The following DPP6 variants were observed in gnomAD, a reference collection of about 807,000 sequenced individuals.
The protein encoded by DPP6 is dipeptidyl peptidase like 6, also known as A-type potassium channel modulatory protein DPP6.
In DPP6, 69 loss-of-function variants were observed where a neutral mutation model predicts 122.6. The observed-to-expected ratio is 0.56, with a 90% CI of 0.46 to 0.69. The LOEUF (loss-of-function observed/expected upper bound fraction) is 0.69. DPP6 is among the 30% of genes least tolerant of loss of function. DPP6 has a pLI of 0.00. For missense variants in DPP6, 928 were observed against 1,116.9 expected (o/e 0.83, Z 2.41); for synonymous variants, 418 against 433.1 (o/e 0.97, Z 0.43).
intron 2 of DPP6, among the ~76,000 whole-genome samples, chr7:154,468,078 A>G (rs891370515): frequency 1.4e-4 from 21 of 152,250 alleles, no homozygotes; most frequent in African/African-American, 4.8e-4. Flanking sequence ...CAGTGCATGA[A>G]AAGATGCTCA....
chr7:154,225,033 G>A (rs936799330), intron 1 of DPP6, among the ~76,000 whole-genome samples: 2 of 152,038 alleles, frequency 1.3e-5, no homozygotes, highest in African/African-American at 4.8e-5. Flanking sequence ...TTTCAGCTAC[G>A]CAGGAGGCTG....
intron 1 of DPP6, chr7:154,305,336 A>ACG: frequency 5.5e-6 from 2 of 362,172 alleles, no homozygotes; most frequent in South Asian, 6.7e-5. Context: ...CGTCTTGTCT[A>ACG]CCCACCCTCC....
At chr7:154,028,652 T>A (rs1010293824) in intron 1 of DPP6, among the ~76,000 whole-genome samples, 24 of 152,106 alleles carry the variant, frequency 1.6e-4, no homozygotes, top group African/African-American at 5.8e-4. Flanking sequence ...GCTGCGTTCC[T>A]CCTTTCCCCT....
chr7:154,208,907 T>C lies in DPP6; in HGVS notation c.243+155844T>C, dbSNP rs73731407. 8.7e-3 allele frequency among the ~76,000 whole-genome samples: 1,330 copies of C among 152,308 alleles called. 28 individuals are homozygous for C. The highest frequency in any genetic ancestry group is 0.03 in the African/African-American group (1,259 of 41,560). On this transcript the variant is annotated intron_variant, in intron 1 of 25. Transcript: ENST00000377770. ...AGGCTTTAAAGATTCTTTCCTTGCCTAAATAATTTATACACGTCTACTAAA... is the reference window on the plus strand; with the variant it reads ...AGGCTTTAAAGATTCTTTCCTTGCCCAAATAATTTATACACGTCTACTAAA...
chr7:154,580,327 T>C lies in DPP6; in HGVS notation c.627+13411T>C, dbSNP rs114861273. Among the ~76,000 whole-genome samples, 683 of 152,192 alleles carry C rather than the reference T, an allele frequency of 4.5e-3. 7 individuals carry two copies. The highest frequency in any genetic ancestry group is 0.015 in the African/African-American group (641 of 41,506). On this transcript the variant is annotated intron_variant, in intron 5 of 25. Coordinates refer to ENST00000377770, the MANE Select transcript of DPP6 (RefSeq NM_130797.4). ...CTCCTTAACTTTGACCATTGACAAATTTTTCTCTCTTAAGAAGTCTTGAGG... is the reference window on the plus strand; with the variant it reads ...CTCCTTAACTTTGACCATTGACAAACTTTTCTCTCTTAAGAAGTCTTGAGG...
chr7:154,482,183 G>A (rs974628949), intron 3 of DPP6, among the ~76,000 whole-genome samples: 2 of 152,210 alleles, frequency 1.3e-5, no homozygotes, highest in African/African-American at 4.8e-5. Flanking sequence ...AAAGGTCTTG[G>A]TGCAGGAGGC....
intron 1 of DPP6, among the ~76,000 whole-genome samples, chr7:153,897,637 T>C (rs2128996776): frequency 6.6e-6 from 1 of 152,322 alleles, no homozygotes; most frequent in East Asian, 1.9e-4. Flanking sequence ...AGGGAAAATG[T>C]CTCTATTTCT....
intron 17 of DPP6, among the ~76,000 whole-genome samples, chr7:154,854,623 G>T (rs143620390): frequency 4.9e-4 from 74 of 152,316 alleles, no homozygotes; most frequent in Non-Finnish European, 9.3e-4. Flanking sequence ...CAAGGTTGAA[G>T]CCTGGTCAAG....
chr7:154,701,385 C>T (rs973794711), intron 7 of DPP6, among the ~76,000 whole-genome samples: 12 of 152,208 alleles, frequency 7.9e-5, no homozygotes, highest in East Asian at 1.9e-4. Context: ...TATAACCCAA[C>T]GCTACCTAGT....
chr7:154,123,013 C>A (rs1300269733), intron 1 of DPP6, among the ~76,000 whole-genome samples: 1 of 152,012 alleles, frequency 6.6e-6, no homozygotes, highest in African/African-American at 2.4e-5. Context: ...GATCCTCGGG[C>A]ACTGTTTTTC....
chr7:154,078,428 C>T (rs1291158166), intron 1 of DPP6, among the ~76,000 whole-genome samples: 1 of 151,610 alleles, frequency 6.6e-6, no homozygotes, highest in Non-Finnish European at 1.5e-5. Flanking sequence ...TATCTTTCAC[C>T]TTGAAGATGA....
chr7:154,331,522 C>A (rs1808941307), intron 1 of DPP6, among the ~76,000 whole-genome samples: 1 of 152,130 alleles, frequency 6.6e-6, no homozygotes, highest in South Asian at 2.1e-4. Flanking sequence ...CTGATGGTCA[C>A]ACTCATCTGT....
intron 1 of DPP6, among the ~76,000 whole-genome samples, chr7:154,209,279 ATCC>A (rs1245601616): frequency 6.6e-6 from 1 of 152,186 alleles, no homozygotes; most frequent in Non-Finnish European, 1.5e-5. Context: ...TAGAATATTT[ATCC>A]TCCTTCTCTT....
At chr7:154,366,791 A>G (rs1396433410) in intron 1 of DPP6, among the ~76,000 whole-genome samples, 2 of 152,200 alleles carry the variant, frequency 1.3e-5, no homozygotes, top group African/African-American at 4.8e-5. Flanking sequence ...TGAAAGGCAG[A>G]TGTGACTTTG....
intron 1 of DPP6, among the ~76,000 whole-genome samples, chr7:153,994,422 T>C (rs540731613): frequency 6.6e-6 from 1 of 151,862 alleles, no homozygotes; most frequent in East Asian, 1.9e-4. Flanking sequence ...AAAAATCATT[T>C]TTCATATCCA....
intron 3 of DPP6, among the ~76,000 whole-genome samples, chr7:154,497,604 A>G (rs1340263429): frequency 2.1e-5 from 3 of 143,064 alleles, no homozygotes; most frequent in South Asian, 4.9e-4. Flanking sequence ...GTGAGACTCC[A>G]TCTCCAAAAA....
intron 1 of DPP6, among the ~76,000 whole-genome samples, chr7:154,338,825 T>C (rs958622310): frequency 4.6e-5 from 7 of 152,178 alleles, no homozygotes; most frequent in African/African-American, 1.4e-4. Context: ...CTCGCCTTTT[T>C]TCCCTTCTGA....
At chr7:153,867,728 C>T in the DPP6 span, among the ~76,000 whole-genome samples, 6 of 151,996 alleles carry the variant, frequency 3.9e-5, no homozygotes, top group African/African-American at 9.7e-5. Flanking sequence ...TGTCTTGTGC[C>T]GGTTTTCAAA....
intron 1 of DPP6, among the ~76,000 whole-genome samples, chr7:153,904,377 A>G (rs1265786229): frequency 6.6e-6 from 1 of 152,080 alleles, no homozygotes; most frequent in Non-Finnish European, 1.5e-5. Context: ...CTCCTGCACC[A>G]TCTTTCAATT....
Sources: allele counts gnomAD v4.1 joint callset (sites outside exome capture counted in the v4.1 genomes callset), GRCh38; gene constraint gnomAD v4.1.1; transcripts MANE v1.5; gene names NCBI Gene and HGNC (gene_info 2026-07-23, HGNC 2026-07-21).